The following TMEM132B variants were observed in gnomAD, a reference collection of about 807,000 sequenced individuals.
TMEM132B encodes transmembrane protein 132B.
Under a neutral mutation model 90.8 loss-of-function variants are expected in TMEM132B, and 18 were observed. That is an observed-to-expected ratio of 0.20 (90% confidence interval 0.14 to 0.29). TMEM132B has a LOEUF of 0.29. Among genes scored for constraint, TMEM132B ranks in the 10% least tolerant of loss-of-function variants. The probability of loss-of-function intolerance (pLI) is 1.00; values close to 1 mark genes in which losing one functional copy is unlikely to be tolerated. For synonymous variants in TMEM132B, 504 were observed against 523.3 expected (o/e 0.96, Z 0.50); for missense variants, 1,096 against 1,326.8 (o/e 0.83, Z 2.70).
At chr12:125,607,081 C>T (rs138296698) in intron 5 of TMEM132B, among the ~76,000 whole-genome samples, 12 of 152,202 alleles carry the variant, frequency 7.9e-5, no homozygotes, top group East Asian at 1.9e-4. Context: ...GGGTGAGCTC[C>T]GGTACAGCCT....
At position 125,215,686 on chromosome 12, in the gene TMEM132B, C is replaced by G. The variant is rs570418151; in HGVS notation, c.67+28820C>G. ...CCTCCCGAGTAGCTGGGATTACAGG[C>G]ATGCGCCACCACGCCTAGAGGATTT... On this transcript the variant is annotated intron_variant, in intron 1 of 8. Transcript: ENST00000682704. 5.3e-5 allele frequency among the ~76,000 whole-genome samples: 8 copies of G among 152,278 alleles called. No homozygotes were observed. In the South Asian group the frequency reaches 1.7e-3, roughly 32 times the overall value.
At chr12:125,540,227 G>C (rs1463602897) in intron 4 of TMEM132B, among the ~76,000 whole-genome samples, 1 of 152,036 alleles carries the variant, frequency 6.6e-6, no homozygotes, top group African/African-American at 2.4e-5. Context: ...TAGCTTTATG[G>C]TGTAGAGATA....
At chr12:125,378,533 C>T (rs1470843940) in intron 2 of TMEM132B, among the ~76,000 whole-genome samples, 6 of 152,354 alleles carry the variant, frequency 3.9e-5, no homozygotes, top group African/African-American at 1.4e-4. Flanking sequence ...ATGGCTGCTA[C>T]ACCTCTAGGA....
At chr12:125,585,639 G>A (rs1593006441) in intron 5 of TMEM132B, 1 of 152,212 alleles carries the variant, frequency 6.6e-6, no homozygotes, top group Non-Finnish European at 1.5e-5. Flanking sequence ...GCCCTGAAGA[G>A]CTCTACTCTA....
At position 125,349,544 on chromosome 12, in the gene TMEM132B, G is replaced by A. The variant is rs1456789049; in HGVS notation, c.160G>A (p.Glu54Lys). 1 of 1,614,026 alleles carries A rather than the reference G, an allele frequency of 6.2e-7. No individual in the cohort carries two copies. The highest frequency in any genetic ancestry group is 2.2e-5 in the East Asian group (1 of 44,890). Residue 54 changes from glutamate (E) to lysine (K), a missense_variant, in exon 2 of 9, where the codon GAG (glutamate) becomes AAG (lysine). Glu to Lys is a moderately conservative substitution (Grantham distance 56). Transcript: ENST00000682704. The surrounding 1 kb of genome is among the most constrained non-coding windows in gnomAD (Gnocchi z 4.1). ...GAACTTGCACATCTCCAATGCAGAGGAGTCCTTTTTCCTTAAAGAAGCCAA... is the reference window on the plus strand; with the variant it reads ...GAACTTGCACATCTCCAATGCAGAGAAGTCCTTTTTCCTTAAAGAAGCCAA... ...PTNLHISNAE[E>K]SFFLKEANQD...
chr12:125,586,665 A>G (rs761283538), intron 5 of TMEM132B: 1 of 152,160 alleles, frequency 6.6e-6, no homozygotes, highest in Non-Finnish European at 1.5e-5. Flanking sequence ...CCCACCTCTG[A>G]GTCATTTAGT....
In TMEM132B at chr12:125,581,954, G is replaced by A. The variant is rs117840769; in HGVS notation, c.1294-1897G>A. ...AGAGGGGAGTGCTCAGGAACATGGAGTACAGTTCTGTTCTTTTGGATTTAT... is the reference window on the plus strand; with the variant it reads ...AGAGGGGAGTGCTCAGGAACATGGAATACAGTTCTGTTCTTTTGGATTTAT... On this transcript the variant is annotated intron_variant, in intron 4 of 8. Coordinates refer to ENST00000682704, the MANE Select transcript of TMEM132B (RefSeq NM_001366854.1). Among the ~76,000 whole-genome samples, 90 of 152,260 alleles carry A rather than the reference G, an allele frequency of 5.9e-4. No individual in the cohort carries two copies. In the East Asian group the frequency reaches 7.0e-3, roughly 12 times the overall value.
intron 2 of TMEM132B, among the ~76,000 whole-genome samples, chr12:125,387,009 T>G: frequency 6.6e-6 from 1 of 152,182 alleles, no homozygotes; most frequent in Non-Finnish European, 1.5e-5. Flanking sequence ...GACACACAGT[T>G]AAGGACACTG....
At chr12:125,391,570 C>A (rs11058156) in intron 2 of TMEM132B, among the ~76,000 whole-genome samples, 19,524 of 152,122 alleles carry the variant, frequency 0.13, 1,438 homozygotes, top group South Asian at 0.19. Flanking sequence ...CCCTGCAGAC[C>A]TGCAGGGGCC....
chr12:125,211,687 C>T (rs966880513), intron 1 of TMEM132B, among the ~76,000 whole-genome samples: 9 of 152,244 alleles, frequency 5.9e-5, no homozygotes, highest in African/African-American at 2.2e-4. Flanking sequence ...CCGCTGCACA[C>T]GGTTCACCTC....
Position 125,660,866 on chromosome 12 carries a change from A to G in TMEM132B, c.*6156A>G, listed in dbSNP as rs1887192716. ...GGGAGTCTCTTTAGATGCTGCAGGA[A>G]CTGAGAGGATAGAAGACCTCTCTAT... On this transcript the variant is annotated 3_prime_UTR_variant, in exon 9 of 9. Coordinates refer to ENST00000682704, the MANE Select transcript of TMEM132B (RefSeq NM_001366854.1). The G allele has an allele frequency of 6.6e-6, 1 of 152,244 alleles. No homozygotes were observed. The highest frequency in any genetic ancestry group is 1.5e-5 in the Non-Finnish European group (1 of 68,044). 9.4% of individuals were successfully genotyped at this position (152,244 alleles called of 1,614,324 possible). A position where few individuals can be genotyped will look rare whatever the true frequency, so the allele number is the denominator to read the frequency against.
At chr12:125,455,035 G>T (rs200234379) in intron 3 of TMEM132B, among the ~76,000 whole-genome samples, 1 of 152,086 alleles carries the variant, frequency 6.6e-6, no homozygotes, top group Non-Finnish European at 1.5e-5. Flanking sequence ...GAAGAAATAC[G>T]CAGTTTGAGT....
intron 5 of TMEM132B, among the ~76,000 whole-genome samples, chr12:125,633,985 T>G (rs1327247127): frequency 3.3e-5 from 5 of 152,176 alleles, no homozygotes; most frequent in Admixed American, 3.3e-4. Context: ...GGTGGCAAAG[T>G]CAGCCAGGTT....
chr12:125,436,578 T>A (rs2131072), intron 3 of TMEM132B, among the ~76,000 whole-genome samples: 82,494 of 152,010 alleles, frequency 0.54, 24,067 homozygotes, highest in African/African-American at 0.77. Context: ...ACCAAGGAAC[T>A]TCGAAGATTG....
chr12:125,286,086 G>A (rs562811997), intron 1 of TMEM132B, among the ~76,000 whole-genome samples: 1 of 152,354 alleles, frequency 6.6e-6, no homozygotes, highest in South Asian at 2.1e-4. Context: ...CCTAGCGCCA[G>A]GTACTTTACA....
chr12:125,287,746 G>C (rs10846860), intron 1 of TMEM132B, among the ~76,000 whole-genome samples: 20,737 of 152,098 alleles, frequency 0.14, 1,573 homozygotes, highest in African/African-American at 0.2. Context: ...GCACATGCCA[G>C]AATTATACCT....
At chr12:125,565,334 G>T (rs917066855) in intron 4 of TMEM132B, among the ~76,000 whole-genome samples, 6 of 152,234 alleles carry the variant, frequency 3.9e-5, no homozygotes, top group African/African-American at 1.4e-4. Context: ...CAGATGGGCA[G>T]GTGCAGGAGC....
intron 1 of TMEM132B, among the ~76,000 whole-genome samples, chr12:125,304,469 T>C (rs138176745): frequency 7.4e-4 from 113 of 152,288 alleles, no homozygotes; most frequent in African/African-American, 2.6e-3. Flanking sequence ...TTGCAATGAC[T>C]TCATAAATAT....
intron 1 of TMEM132B, among the ~76,000 whole-genome samples, chr12:125,241,514 C>T (rs1565981993): frequency 6.6e-6 from 1 of 152,200 alleles, no homozygotes; most frequent in African/African-American, 2.4e-5. Context: ...TGTCTGGACT[C>T]ATCTGGATGT....
Sources: gnomAD v4.1 joint callset for allele counts (sites outside exome capture counted in the v4.1 genomes callset) on GRCh38, gnomAD v4.1.1 for gene constraint, Gnocchi (gnomAD v3.1) non-coding constraint, MANE v1.5 for transcripts, NCBI Gene and HGNC (gene_info 2026-07-23, HGNC 2026-07-21) for gene names.